Variants in PRMT3 observed in about 807,000 individuals in gnomAD.
PRMT3 encodes the protein protein arginine methyltransferase 3.
PRMT3 carries 62 observed loss-of-function variants against 71.9 expected under a neutral mutation model. The observed-to-expected ratio is 0.86, with a 90% CI of 0.70 to 1.07. The LOEUF (loss-of-function observed/expected upper bound fraction) is 1.07, where lower values mean the gene tolerates loss of function less well. PRMT3 is among the 50% of genes least tolerant of loss of function. The pLI is 0.00. For synonymous variants in PRMT3, 213 were observed against 220.4 expected, an observed-to-expected ratio of 0.97 and a Z score of 0.30; for missense variants, 663 against 643.0, an observed-to-expected ratio of 1.03 and a Z score of -0.34.
chr11:20,433,975 T>G (rs1048296084), intron 10 of PRMT3, among the ~76,000 whole-genome samples: 3 of 152,182 alleles, frequency 2.0e-5, no homozygotes, highest in East Asian at 1.9e-4. Context: ...CCACAATGTT[T>G]GACCTAATTG....
intron 13 of PRMT3, among the ~76,000 whole-genome samples, chr11:20,483,478 T>A (rs950436277): frequency 6.6e-6 from 1 of 150,528 alleles, no homozygotes; most frequent in Admixed American, 6.7e-5. Flanking sequence ...GGAAAACCGA[T>A]GATGTGTGAG....
chr11:20,473,250 G>T (rs1473963863), intron 13 of PRMT3, among the ~76,000 whole-genome samples: 1 of 151,750 alleles, frequency 6.6e-6, no homozygotes, highest in African/African-American at 2.4e-5. Flanking sequence ...TCTAATCTCG[G>T]TTATTTCTTG....
At chr11:20,417,206 A>G (rs1379483547) in intron 9 of PRMT3, among the ~76,000 whole-genome samples, 2 of 152,140 alleles carry the variant, frequency 1.3e-5, no homozygotes, top group South Asian at 4.1e-4. Context: ...TTCCCTTCCA[A>G]AATCTCCATG....
intron 8 of PRMT3, chr11:20,405,783 C>A (rs1400326436): frequency 6.6e-6 from 1 of 152,062 alleles, no homozygotes; most frequent in African/African-American, 2.4e-5. Context: ...TATCTTTTTA[C>A]CCCCGTGTTT....
At chr11:20,397,143 T>C (rs1848843717) in intron 6 of PRMT3, among the ~76,000 whole-genome samples, 1 of 152,190 alleles carries the variant, frequency 6.6e-6, no homozygotes, top group South Asian at 2.1e-4. Context: ...TGCTGGTGTA[T>C]GTAAATAATT....
intron 9 of PRMT3, 121 bp from the exon 10 acceptor site, chr11:20,426,645 G>GC: frequency 1.9e-6 from 2 of 1,060,494 alleles, no homozygotes; most frequent in Non-Finnish European, 2.5e-6. Flanking sequence ...GAACAACTAA[G>GC]CTTTGATTGA....
chr11:20,402,985 G>A lies in PRMT3; in HGVS notation c.771+1G>A, dbSNP rs1375428314. The stretch of plus-strand genomic sequence containing the variant: ...AAATCCACATATCTTCAAAGACAAG[G>A]TAAGTAGTATAGGTTATAGAATTAT... On this transcript the variant is annotated splice_donor_variant, in intron 8 of 15. Coordinates refer to ENST00000331079, the MANE Select transcript of PRMT3 (RefSeq NM_005788.4). LOFTEE classifies it high-confidence loss of function. 1.3e-6 allele frequency: 2 copies of A among 1,577,628 alleles called. No individual in the cohort carries two copies. Among genetic ancestry groups the A allele is most frequent in the Non-Finnish European group, 1.7e-6 (2 of 1,147,150 alleles).
Position 20,452,227 on chromosome 11 carries a change from T to G in PRMT3, c.1072+19T>G. ...GGCTCGGGTGAGTATAAAATTCTGG[T>G]TTTAATAATCTAATTTTAGTCTAGC... On this transcript the variant is annotated intron_variant, in intron 11 of 15. Coordinates refer to ENST00000331079, the MANE Select transcript of PRMT3 (RefSeq NM_005788.4). The G allele has an allele frequency of 6.4e-7, 1 of 1,561,334 alleles. No individual in the cohort carries two copies.
rs1243459522 is a variant in PRMT3 at position 20,508,568 on chromosome 11, G to A, written c.*155G>A. 2 of 704,910 alleles carry A rather than the reference G, an allele frequency of 2.8e-6. No homozygotes were observed. The highest frequency in any genetic ancestry group is 3.5e-5 in the African/African-American group (2 of 57,080). 43.7% of individuals were successfully genotyped at this position (704,910 alleles called of 1,614,324 possible). ...AGAGAAGTTCTCATTGTGGGAATCTGACATAGTTCAGCTGAGGAAGAGAAT... is the reference window on the plus strand; with the variant it reads ...AGAGAAGTTCTCATTGTGGGAATCTAACATAGTTCAGCTGAGGAAGAGAAT... On this transcript the variant is annotated 3_prime_UTR_variant, in exon 16 of 16. Coordinates refer to ENST00000331079, the MANE Select transcript of PRMT3 (RefSeq NM_005788.4).
At chr11:20,402,681 C>T (rs941253609) in intron 7 of PRMT3, among the ~76,000 whole-genome samples, 10 of 152,064 alleles carry the variant, frequency 6.6e-5, no homozygotes, top group Admixed American at 2.0e-4. Context: ...GGAAAATGTA[C>T]GCATTTTTAA....
intron 12 of PRMT3, among the ~76,000 whole-genome samples, chr11:20,462,735 T>C (rs1173067532): frequency 6.6e-6 from 1 of 152,184 alleles, no homozygotes; most frequent in Non-Finnish European, 1.5e-5. Context: ...TTTTTCTATG[T>C]TGAATTTACA....
At chr11:20,450,790 T>C (rs948900815) in intron 10 of PRMT3, among the ~76,000 whole-genome samples, 3 of 152,188 alleles carry the variant, frequency 2.0e-5, no homozygotes, top group Non-Finnish European at 4.4e-5. Flanking sequence ...CATTCTGGGT[T>C]TGCAGGTTTT....
At chr11:20,472,907 A>G (rs1423111082) in intron 13 of PRMT3, among the ~76,000 whole-genome samples, 1 of 151,906 alleles carries the variant, frequency 6.6e-6, no homozygotes, top group East Asian at 1.9e-4. Context: ...GCTATTTATC[A>G]CCGCCTCAAT....
chr11:20,480,568 G>C (rs1208992851), intron 13 of PRMT3, among the ~76,000 whole-genome samples: 8 of 152,074 alleles, frequency 5.3e-5, no homozygotes, highest in Non-Finnish European at 1.2e-4. Flanking sequence ...GTGATCAGAA[G>C]GGCCCTTTAG....
At chr11:20,395,199 T>C (rs1322597167) in intron 5 of PRMT3, among the ~76,000 whole-genome samples, 1 of 152,120 alleles carries the variant, frequency 6.6e-6, no homozygotes, top group Non-Finnish European at 1.5e-5. Flanking sequence ...TCTTTCTACT[T>C]TTTTCTTTCT....
intron 9 of PRMT3, among the ~76,000 whole-genome samples, chr11:20,420,424 T>G (rs1468368299): frequency 6.6e-6 from 1 of 152,160 alleles, no homozygotes; most frequent in African/African-American, 2.4e-5. Flanking sequence ...CGGATGAGTA[T>G]CTGTGGGTGT....
At chr11:20,487,566 T>G (rs1447917824) in intron 13 of PRMT3, among the ~76,000 whole-genome samples, 1 of 152,198 alleles carries the variant, frequency 6.6e-6, no homozygotes, top group Non-Finnish European at 1.5e-5. Context: ...ACTAGGGTGC[T>G]GAGATGTTCT....
chr11:20,491,395 G>T (rs1851202771), intron 13 of PRMT3, among the ~76,000 whole-genome samples: 2 of 149,310 alleles, frequency 1.3e-5, no homozygotes, highest in Admixed American at 1.3e-4. Flanking sequence ...ATTTGAGATT[G>T]CACCTTAGAT....
intron 8 of PRMT3, among the ~76,000 whole-genome samples, chr11:20,403,471 G>A (rs1565196379): frequency 6.6e-6 from 1 of 152,054 alleles, no homozygotes; most frequent in Non-Finnish European, 1.5e-5. Flanking sequence ...CCCATTTAGA[G>A]ATACTTTGTA....
Sources: allele counts gnomAD v4.1 joint callset (sites outside exome capture counted in the v4.1 genomes callset), GRCh38; gene constraint gnomAD v4.1.1; transcripts MANE v1.5; gene names NCBI Gene and HGNC (gene_info 2026-07-23, HGNC 2026-07-21).